ZC3H7B: variants seen among roughly 807,000 people sequenced by gnomAD.
ZC3H7B encodes zinc finger CCCH-type containing 7B.
A neutral mutation model predicts 116.0 loss-of-function variants in ZC3H7B; 35 were observed. The ratio of observed to expected loss-of-function variants is 0.30; its 90% CI spans 0.23 to 0.40. ZC3H7B has a LOEUF of 0.40. Ranked by LOEUF, ZC3H7B falls within the 10% of genes least tolerant of loss-of-function variation. ZC3H7B has a pLI of 1.00. For missense variants in ZC3H7B, 1,011 were observed against 1,321.5 expected, an observed-to-expected ratio of 0.77 and a Z score of 3.64; for synonymous variants, 502 against 545.6, an observed-to-expected ratio of 0.92 and a Z score of 1.11.
In ZC3H7B at chr22:41,325,562, AG is replaced by A. The variant is rs1296636756; in HGVS notation, c.54del. 6.2e-7 allele frequency: 1 copy of A among 1,610,398 alleles called. No individual in the cohort carries two copies. The highest frequency in any genetic ancestry group is 1.1e-5 in the South Asian group (1 of 90,270). ...AGGCCTCGTGTTTTCTTTTCCTGAT[AG>A]GTCGACACTACCCCTAAAGCAAGAA... On this transcript the variant is annotated splice_acceptor_variant, in intron 2 of 22. Transcript: ENST00000352645. LOFTEE classifies it high-confidence loss of function.
intron 15 of ZC3H7B, among the ~76,000 whole-genome samples, chr22:41,348,685 G>A (rs2281329): frequency 0.088 from 13,324 of 152,220 alleles, 1,844 homozygotes; most frequent in East Asian, 0.45. Context: ...CAATTCCTGG[G>A]CCAGTCCTGT....
At chr22:41,344,626 C>T (rs940098128) in intron 13 of ZC3H7B, among the ~76,000 whole-genome samples, 2 of 152,204 alleles carry the variant, frequency 1.3e-5, no homozygotes, top group Admixed American at 1.3e-4. Context: ...CCCCACTCCT[C>T]CAGGTCTGTG....
chr22:41,320,624 A>G (rs1408602655), intron 1 of ZC3H7B, 31 bp from the exon 2 acceptor site: 1 of 1,613,236 alleles, frequency 6.2e-7, no homozygotes, highest in African/African-American at 1.3e-5. Context: ...GCTCTTGCTG[A>G]CTGACTGATG....
chr22:41,357,841 A>C lies in ZC3H7B; in HGVS notation c.*412A>C. On this transcript the variant is annotated 3_prime_UTR_variant, in exon 23 of 23. Transcript: ENST00000352645. This position sits in a 1 kb window ranked among gnomAD's most constrained non-coding sequence, Gnocchi z 5.4. ...TCTCTCCCTGGCCCGTCCTCCTCCC[A>C]CCCCCTCCCCCTGGGGGCAAATCAG... 2 of 224,996 alleles carry C rather than the reference A, an allele frequency of 8.9e-6. No homozygotes were observed. The highest frequency in any genetic ancestry group is 1.8e-5 in the Non-Finnish European group (2 of 112,084). 13.9% of individuals were successfully genotyped at this position (224,996 alleles called of 1,614,324 possible). A position where few individuals can be genotyped will look rare whatever the true frequency, so the allele number is the denominator to read the frequency against.
chr22:41,332,227 G>T lies in ZC3H7B; in HGVS notation c.582G>T (p.Gln194His). ...GCACTGCGGCTGGCGTGGCAGATCA[G>T]GTAGGATCGGGGCTGAACCAACCTG... Reference protein sequence around the residue: ...SNGTAAGVADQGTSNGLGSID... With the variant: ...SNGTAAGVADHGTSNGLGSID... The change falls in exon 7 of 23, where the codon CAG becomes CAT. Residue 194 changes from glutamine (Q) to histidine (H), a missense_variant and splice_region_variant. By Grantham distance (24) the Gln-to-His change is conservative. Coordinates refer to ENST00000352645, the MANE Select transcript of ZC3H7B (RefSeq NM_017590.6). The T allele has an allele frequency of 6.2e-7, 1 of 1,614,202 alleles. No homozygotes were observed. The highest frequency in any genetic ancestry group is 1.3e-5 in the African/African-American group (1 of 75,056).
At chr22:41,350,386 T>C (rs533603827) in intron 16 of ZC3H7B, among the ~76,000 whole-genome samples, 2 of 152,190 alleles carry the variant, frequency 1.3e-5, no homozygotes, top group African/African-American at 2.4e-5. Flanking sequence ...GGTGGAGTTA[T>C]ATGATCTGAT....
chr22:41,332,110 G>T lies in ZC3H7B; in HGVS notation c.526-61G>T, dbSNP rs1047151704. The T allele has an allele frequency of 1.4e-4, 227 of 1,595,134 alleles. No homozygotes were observed. In the African/African-American group the frequency reaches 2.7e-3, roughly 19 times the overall value. On this transcript the variant is annotated intron_variant, in intron 6 of 22. Transcript: ENST00000352645. ...GGGCCTCTTTGCTGCCCCAGCTAAG[G>T]GGACCTTGAGCATCTTTTCAGAATC...
At chr22:41,339,715 G>C in intron 9 of ZC3H7B, 101 bp from the exon 10 acceptor site, 1 of 1,134,696 alleles carries the variant, frequency 8.8e-7, no homozygotes, top group Non-Finnish European at 1.2e-6. Flanking sequence ...ATGAAGCCAG[G>C]CGACAGGGTG....
At chr22:41,308,141 G>C (rs937756266) in intron 1 of ZC3H7B, among the ~76,000 whole-genome samples, 3 of 152,114 alleles carry the variant, frequency 2.0e-5, no homozygotes, top group Admixed American at 1.3e-4. Context: ...CTGAGACCGA[G>C]AACCATGTCT....
At chr22:41,307,666 A>G (rs2036062755) in intron 1 of ZC3H7B, among the ~76,000 whole-genome samples, 1 of 152,212 alleles carries the variant, frequency 6.6e-6, no homozygotes, top group Admixed American at 6.5e-5. Flanking sequence ...ACACCACTGT[A>G]TACCAGCATC....
chr22:41,331,568 A>AG (rs1194172442), intron 6 of ZC3H7B, among the ~76,000 whole-genome samples: 1 of 151,380 alleles, frequency 6.6e-6, no homozygotes, highest in East Asian at 1.9e-4. Context: ...AAAAAAAAAA[A>AG]AAAAAAAGAG....
At chr22:41,314,753 G>A (rs1239195980) in intron 1 of ZC3H7B, among the ~76,000 whole-genome samples, 1 of 151,320 alleles carries the variant, frequency 6.6e-6, no homozygotes, top group Non-Finnish European at 1.5e-5. Context: ...GGGACTACAG[G>A]CGTGTGCCAC....
chr22:41,357,582 C>A lies in ZC3H7B; in HGVS notation c.*153C>A. On this transcript the variant is annotated 3_prime_UTR_variant, in exon 23 of 23. Transcript: ENST00000352645. The surrounding 1 kb of genome is among the most constrained non-coding windows in gnomAD (Gnocchi z 5.4). ...TGAGGCCCTGTCCATCTTCTCCCCACCACCGCCCCGGTGTGCGTACCCAGG... is the reference window on the plus strand; with the variant it reads ...TGAGGCCCTGTCCATCTTCTCCCCAACACCGCCCCGGTGTGCGTACCCAGG... The A allele has an allele frequency of 9.2e-7, 1 of 1,083,780 alleles. No homozygotes were observed. The highest frequency in any genetic ancestry group is 1.3e-6 in the Non-Finnish European group (1 of 779,888). 67.1% of individuals were successfully genotyped at this position (1,083,780 alleles called of 1,614,324 possible).
chr22:41,354,686 G>T (rs555905543), intron 17 of ZC3H7B, among the ~76,000 whole-genome samples: 19 of 152,316 alleles, frequency 1.2e-4, no homozygotes, highest in African/African-American at 4.6e-4. Context: ...AGCTGAGGGG[G>T]TTCAAGGTGG....
At chr22:41,348,446 A>T (rs567039445) in intron 15 of ZC3H7B, among the ~76,000 whole-genome samples, 1 of 152,226 alleles carries the variant, frequency 6.6e-6, no homozygotes, top group Non-Finnish European at 1.5e-5. Context: ...CAAAAAGCTG[A>T]GGCTTGGAAG....
At position 41,327,519 on chromosome 22, in the gene ZC3H7B, T is replaced by C. The variant is rs2036333846; in HGVS notation, c.444+155T>C. 6.6e-6 allele frequency among the ~76,000 whole-genome samples: 1 copy of C among 152,184 alleles called. No individual in the cohort carries two copies. The highest frequency in any genetic ancestry group is 1.5e-5 in the Non-Finnish European group (1 of 68,016). On this transcript the variant is annotated intron_variant, in intron 5 of 22. Transcript: ENST00000352645. This position sits in a 1 kb window ranked among gnomAD's most constrained non-coding sequence, Gnocchi z 4.5. ...ATCCTGATGTTAACACTAGCTCCCA[T>C]TCTCTGAGCGCTGACTGGGTGCCAG...
chr22:41,355,779 C>T lies in ZC3H7B; in HGVS notation c.2191C>T (p.Leu731Phe). Residue 731 changes from leucine to phenylalanine, a missense_variant, in exon 19 of 23, where the codon CTT becomes TTT. Physicochemically the swap from Leu to Phe is conservative, Grantham distance 22. This residue lies in a region of ZC3H7B where 406 missense variants were observed against 590.2 expected (regional missense o/e 0.69). Transcript: ENST00000352645. ...CAGCTGGACCAAGGAGCGGCGGGTC[C>T]TTCTGGTGATGTCCAAGGCCAAGAG... Reference protein sequence around the residue: ...RHCWTKERRVLLVMSKAKRKW... With the variant: ...RHCWTKERRVFLVMSKAKRKW... The T allele has an allele frequency of 6.2e-7, 1 of 1,612,608 alleles. No individual in the cohort carries two copies. The highest frequency in any genetic ancestry group is 8.5e-7 in the Non-Finnish European group (1 of 1,179,556).
Position 41,349,068 on chromosome 22 carries a change from G to T in ZC3H7B, c.1767-52G>T. 6.3e-7 allele frequency: 1 copy of T among 1,589,806 alleles called. No homozygotes were observed. Among genetic ancestry groups the T allele is most frequent in the East Asian group, 2.3e-5 (1 of 44,148 alleles). ...GAAGGTGGCCCTACCAGGAGAGAAG[G>T]TCAGAGGGGCTGCGGACTGCATCGT... On this transcript the variant is annotated intron_variant, in intron 15 of 22. Transcript: ENST00000352645. The surrounding 1 kb of genome is among the most constrained non-coding windows in gnomAD (Gnocchi z 4.9).
chr22:41,306,422 G>A (rs1325486270), intron 1 of ZC3H7B, among the ~76,000 whole-genome samples: 1 of 144,136 alleles, frequency 6.9e-6, no homozygotes, highest in Non-Finnish European at 1.5e-5. Flanking sequence ...CGCCCAGGCT[G>A]GAGTGGGATG....
Sources: gnomAD v4.1 joint callset for allele counts (sites outside exome capture counted in the v4.1 genomes callset) on GRCh38, gnomAD v4.1.1 for gene constraint, gnomAD v4.1.1 regional missense constraint, Gnocchi (gnomAD v3.1) non-coding constraint, MANE v1.5 for transcripts, NCBI Gene and HGNC (gene_info 2026-07-23, HGNC 2026-07-21) for gene names.